Variants in DIP2B observed in about 807,000 individuals in gnomAD.
DIP2B encodes DIP2 acetate--CoA ligase B (putative).
A neutral mutation model predicts 198.0 loss-of-function variants in DIP2B; 76 were observed. That is an observed-to-expected ratio of 0.38 (90% CI 0.32 to 0.46). The LOEUF is 0.46. Ranked by LOEUF, DIP2B falls within the 20% of genes least tolerant of loss-of-function variation. The pLI is 0.99. For missense variants in DIP2B, 1,559 were observed against 1,978.4 expected, an observed-to-expected ratio of 0.79 and a Z score of 4.02; for synonymous variants, 701 against 739.1, an observed-to-expected ratio of 0.95 and a Z score of 0.84.
At position 50,698,107 on chromosome 12, in the gene DIP2B, G is replaced by A. The variant is rs375342926; in HGVS notation, c.2049-221G>A. ...ATGGGGGTCCCACTGTGTTGCCCAGGCTGGTTTTGAACTCCTGGCCTCAAG... is the reference window on the plus strand; with the variant it reads ...ATGGGGGTCCCACTGTGTTGCCCAGACTGGTTTTGAACTCCTGGCCTCAAG... On this transcript the variant is annotated intron_variant, in intron 17 of 37. Transcript: ENST00000301180. 7.9e-5 allele frequency among the ~76,000 whole-genome samples: 12 copies of A among 152,094 alleles called. No individual in the cohort carries two copies. The South Asian group carries it at 1.9e-3, about 24-fold the overall frequency.
chr12:50,601,537 A>C (rs1241297341), intron 1 of DIP2B, among the ~76,000 whole-genome samples: 1 of 152,028 alleles, frequency 6.6e-6, no homozygotes, highest in African/African-American at 2.4e-5. Flanking sequence ...ATGGGGTTTC[A>C]CTGTGTTAGC....
intron 1 of DIP2B, among the ~76,000 whole-genome samples, chr12:50,604,350 G>GTA (rs1385842424): frequency 6.6e-6 from 1 of 152,148 alleles, no homozygotes; most frequent in Non-Finnish European, 1.5e-5. Flanking sequence ...AAGTGACTGT[G>GTA]TATATATATG....
At chr12:50,663,520 C>T (rs1288828366) in intron 4 of DIP2B, among the ~76,000 whole-genome samples, 2 of 150,908 alleles carry the variant, frequency 1.3e-5, no homozygotes, top group South Asian at 2.1e-4. Context: ...CGCGCCACTG[C>T]ATTCCAGCCT....
chr12:50,574,191 T>G (rs945724051), intron 1 of DIP2B, among the ~76,000 whole-genome samples: 5 of 151,986 alleles, frequency 3.3e-5, no homozygotes, highest in Non-Finnish European at 1.5e-5. Flanking sequence ...AATCTTGAAT[T>G]ATCTTATTAA....
chr12:50,598,171 G>A (rs1001146943), intron 1 of DIP2B, among the ~76,000 whole-genome samples: 2 of 152,132 alleles, frequency 1.3e-5, no homozygotes, highest in Non-Finnish European at 2.9e-5. Context: ...TTCCTTTAGA[G>A]GAAGGAGAGA....
At chr12:50,664,836 G>GTTT (rs1159665939) in intron 4 of DIP2B, among the ~76,000 whole-genome samples, 2 of 15,976 alleles carry the variant, frequency 1.3e-4, no homozygotes, top group African/African-American at 2.9e-4. Context: ...TTTGGTTTTT[G>GTTT]TTTTTTTTTT....
chr12:50,729,327 G>C (rs928459835), intron 30 of DIP2B, among the ~76,000 whole-genome samples: 6 of 152,176 alleles, frequency 3.9e-5, no homozygotes, highest in Non-Finnish European at 8.8e-5. Flanking sequence ...TTTATGTCTT[G>C]TGTCTAATCA....
intron 1 of DIP2B, among the ~76,000 whole-genome samples, chr12:50,588,609 C>T (rs1023518127): frequency 1.3e-5 from 2 of 152,082 alleles, no homozygotes; most frequent in Non-Finnish European, 2.9e-5. Context: ...CCTTTCTCTC[C>T]CCTTGGTTTG....
intron 19 of DIP2B, among the ~76,000 whole-genome samples, chr12:50,701,817 A>AAACTC (rs1307427762): frequency 6.6e-6 from 1 of 152,208 alleles, no homozygotes; most frequent in African/African-American, 2.4e-5. Flanking sequence ...GAGGCAAGTG[A>AAACTC]AACTCACTTC....
intron 1 of DIP2B, among the ~76,000 whole-genome samples, chr12:50,587,780 C>G (rs1249531622): frequency 6.6e-6 from 1 of 152,208 alleles, no homozygotes; most frequent in Admixed American, 6.5e-5. Flanking sequence ...CTTCTCTCTT[C>G]CACTCTTCCC....
chr12:50,705,781 C>G (rs1939503292), intron 20 of DIP2B, among the ~76,000 whole-genome samples: 1 of 152,196 alleles, frequency 6.6e-6, no homozygotes, highest in Non-Finnish European at 1.5e-5. Context: ...TTATGTCTTA[C>G]ATGGCCCAGT....
chr12:50,628,343 C>G (rs1937976746), intron 2 of DIP2B, among the ~76,000 whole-genome samples: 1 of 151,892 alleles, frequency 6.6e-6, no homozygotes, highest in Non-Finnish European at 1.5e-5. Context: ...TGTACTCCAG[C>G]CTAGGCCACA....
At chr12:50,597,440 AC>A (rs1216571084) in intron 1 of DIP2B, among the ~76,000 whole-genome samples, 2 of 152,212 alleles carry the variant, frequency 1.3e-5, no homozygotes, top group Non-Finnish European at 2.9e-5. Flanking sequence ...CAGCTATCTC[AC>A]TTTTTTGATT....
chr12:50,517,214 C>T lies in DIP2B; in HGVS notation c.100+11974C>T, dbSNP rs143532943. Among the ~76,000 whole-genome samples, 481 of 151,836 alleles carry T rather than the reference C, an allele frequency of 3.2e-3. 3 individuals are homozygous for T. Among genetic ancestry groups the T allele is most frequent in the African/African-American group, 8.4e-3 (348 of 41,430 alleles). ...GATTACAGGCGTGAGCCACCGCACC[C>T]GACCAAAAAATTTGTTTTAATTAGA... On this transcript the variant is annotated intron_variant, in intron 1 of 37. Transcript: ENST00000301180.
chr12:50,643,913 T>A (rs1938304422), intron 3 of DIP2B, among the ~76,000 whole-genome samples: 1 of 152,200 alleles, frequency 6.6e-6, no homozygotes, highest in Admixed American at 6.5e-5. Flanking sequence ...CAAAAATAGC[T>A]GAAGAATTTA....
chr12:50,657,749 A>G (rs1296845912), intron 3 of DIP2B, among the ~76,000 whole-genome samples: 2 of 152,220 alleles, frequency 1.3e-5, no homozygotes, highest in Non-Finnish European at 2.9e-5. Flanking sequence ...TTACAAAATA[A>G]CTAGTCTGTA....
intron 35 of DIP2B, 49 bp from the exon 36 acceptor site, chr12:50,739,360 T>C: frequency 6.4e-7 from 1 of 1,572,824 alleles, no homozygotes; most frequent in Non-Finnish European, 8.7e-7. Context: ...AGAGAATTAA[T>C]ACAGTTGTGT....
At chr12:50,599,345 G>T (rs1958916269) in intron 1 of DIP2B, among the ~76,000 whole-genome samples, 1 of 152,004 alleles carries the variant, frequency 6.6e-6, no homozygotes, top group Admixed American at 6.6e-5. Flanking sequence ...GCTGAGCACG[G>T]TGGCTCACGC....
intron 37 of DIP2B, among the ~76,000 whole-genome samples, chr12:50,742,422 A>AAAAAAAC (rs1940267135): frequency 1.3e-5 from 1 of 79,096 alleles, no homozygotes; most frequent in African/African-American, 3.7e-5. Flanking sequence ...AAAAAAAAAA[A>AAAAAAAC]CCACCTCTGT....
Sources: gnomAD v4.1 joint callset for allele counts (sites outside exome capture counted in the v4.1 genomes callset) on GRCh38, gnomAD v4.1.1 for gene constraint, MANE v1.5 for transcripts, NCBI Gene and HGNC (gene_info 2026-07-23, HGNC 2026-07-21) for gene names.